Variants in DENND4A observed in about 807,000 individuals in gnomAD.
The protein encoded by DENND4A is C-myc promoter-binding protein.
Under a neutral mutation model 199.3 loss-of-function variants are expected in DENND4A, and 70 were observed. That is an observed-to-expected ratio of 0.35 (90% confidence interval 0.29 to 0.43). The LOEUF (loss-of-function observed/expected upper bound fraction) is 0.43, where lower values mean the gene tolerates loss of function less well. Among genes scored for constraint, DENND4A ranks in the 20% least tolerant of loss-of-function variants. The pLI is 1.00. For synonymous variants in DENND4A, 686 were observed against 766.9 expected (o/e 0.89, Z 1.74); for missense variants, 1,723 against 2,255.8 (o/e 0.76, Z 4.78).
chr15:65,733,459 T>C (rs2076021153), intron 7 of DENND4A, among the ~76,000 whole-genome samples: 1 of 152,164 alleles, frequency 6.6e-6, no homozygotes, highest in African/African-American at 2.4e-5. Context: ...CTGAATATGT[T>C]TGTATTATTT....
At chr15:65,743,477 C>T (rs2076310417) in intron 4 of DENND4A, among the ~76,000 whole-genome samples, 1 of 152,142 alleles carries the variant, frequency 6.6e-6, no homozygotes, top group Admixed American at 6.6e-5. Flanking sequence ...TAAGGGCTTC[C>T]CTGACCACTC....
At chr15:65,676,322 G>A in intron 24 of DENND4A, 123 bp downstream of exon 24, 1 of 848,546 alleles carries the variant, frequency 1.2e-6, no homozygotes, top group Non-Finnish European at 1.7e-6. Flanking sequence ...TTTGACTTTG[G>A]AACTATACAA....
At chr15:65,728,090 C>A (rs1272643069) in intron 11 of DENND4A, among the ~76,000 whole-genome samples, 1 of 151,918 alleles carries the variant, frequency 6.6e-6, no homozygotes, top group Non-Finnish European at 1.5e-5. Flanking sequence ...CTCACTGCAG[C>A]CTCCGCCTCC....
chr15:65,766,909 T>TC, intron 1 of DENND4A: 1 of 152,330 alleles, frequency 6.6e-6, no homozygotes, highest in East Asian at 1.9e-4. Context: ...ACCCTGTCCC[T>TC]CACCCAGAAA....
intron 12 of DENND4A, among the ~76,000 whole-genome samples, chr15:65,719,493 G>A (rs556801416): frequency 7.0e-4 from 106 of 152,166 alleles, no homozygotes; most frequent in African/African-American, 2.4e-3. Flanking sequence ...TGATCGAAGT[G>A]AATATCTTCA....
Position 65,667,949 on chromosome 15 carries a change from C to T in DENND4A, c.4962G>A (p.Leu1654=). ...CTGTAGCTCCTTGTAAAGTAGCTGG[C>T]AGGCTGCCTGTAGAAATGAGCTTCT... ...GRQKLISTGS[L]PATLQGATDS... The change falls in exon 28 of 33, where the codon CTG becomes CTA. Residue 1654 remains leucine, a synonymous_variant. Transcript: ENST00000443035. 1 of 1,608,768 alleles carries T rather than the reference C, an allele frequency of 6.2e-7. No homozygotes were observed. Among genetic ancestry groups the T allele is most frequent in the Non-Finnish European group, 8.5e-7 (1 of 1,178,816 alleles).
At chr15:65,711,447 C>G (rs959578093) in intron 14 of DENND4A, among the ~76,000 whole-genome samples, 1 of 152,064 alleles carries the variant, frequency 6.6e-6, no homozygotes, top group African/African-American at 2.4e-5. Context: ...AAGCTGAGAT[C>G]GTGCCACAGC....
intron 1 of DENND4A, among the ~76,000 whole-genome samples, chr15:65,781,537 G>T (rs1482474036): frequency 1.3e-5 from 2 of 152,106 alleles, no homozygotes; most frequent in Non-Finnish European, 2.9e-5. Context: ...GTAAATAAAT[G>T]GATGTAAGGA....
At chr15:65,769,583 C>A (rs960510501) in intron 1 of DENND4A, among the ~76,000 whole-genome samples, 5 of 152,090 alleles carry the variant, frequency 3.3e-5, no homozygotes, top group Non-Finnish European at 7.4e-5. Flanking sequence ...AAATTCAATT[C>A]AAATAATTTG....
intron 1 of DENND4A, among the ~76,000 whole-genome samples, chr15:65,786,500 C>A (rs1024659629): frequency 2.0e-5 from 3 of 151,508 alleles, no homozygotes; most frequent in African/African-American, 7.3e-5. Flanking sequence ...GAGGCCAAGG[C>A]GGTAGGATTG....
At chr15:65,663,380 T>C (rs1482208791) in intron 32 of DENND4A, among the ~76,000 whole-genome samples, 11 of 151,626 alleles carry the variant, frequency 7.3e-5, no homozygotes, top group Admixed American at 7.2e-4. Context: ...TGGCTAATTT[T>C]GTATTTTTAG....
chr15:65,740,737 G>C (rs936701479), intron 5 of DENND4A, among the ~76,000 whole-genome samples: 1 of 152,100 alleles, frequency 6.6e-6, no homozygotes, highest in African/African-American at 2.4e-5. Flanking sequence ...GAGGCAAGAG[G>C]AGCGCTTGAG....
At chr15:65,747,759 C>T (rs1021165396) in intron 4 of DENND4A, among the ~76,000 whole-genome samples, 1 of 151,834 alleles carries the variant, frequency 6.6e-6, no homozygotes, top group African/African-American at 2.4e-5. Flanking sequence ...AATCTGCTTC[C>T]TGGCCAGGCA....
intron 1 of DENND4A, among the ~76,000 whole-genome samples, chr15:65,780,740 A>C (rs1214804723): frequency 6.6e-6 from 1 of 152,258 alleles, no homozygotes; most frequent in East Asian, 1.9e-4. Flanking sequence ...TTGCACTAGC[A>C]AACTTAAGCT....
chr15:65,756,204 C>T lies in DENND4A; in HGVS notation c.247G>A (p.Val83Met), dbSNP rs1439040809. The T allele has an allele frequency of 1.9e-6, 3 of 1,611,636 alleles. No individual in the cohort carries two copies. Among genetic ancestry groups the T allele is most frequent in the Non-Finnish European group, 2.5e-6 (3 of 1,178,752 alleles). ...LSADLNNGSLVGPQIYLCYRR... is the reference protein window; with the variant it reads ...LSADLNNGSLMGPQIYLCYRR... ...TAGCAAAGGTAAATCTGTGGCCCCA[C>T]AAGACTTCCATTATTAAGATCAGCT... is the stretch of plus-strand genomic sequence containing the variant. The change falls in exon 3 of 33, where the codon GTG becomes ATG. Residue 83 changes from valine to methionine, a missense_variant. This residue lies in a region of DENND4A where 725 missense variants were observed against 952.9 expected (regional missense o/e 0.76). Coordinates refer to ENST00000443035, the MANE Select transcript of DENND4A (RefSeq NM_001320835.1).
At position 65,691,039 on chromosome 15, in the gene DENND4A, T is replaced by C; in HGVS notation, c.3555A>G (p.Gln1185=). ...DVSKAGCVAT[Q]NPKRIQRMNS... ...TCATACGTTGAATCCTCTTGGGATT[T>C]TGTGTAGCAACACATCCTGCTTTTG... Residue 1185 remains glutamine, a synonymous_variant, in exon 23 of 33, where the codon CAA becomes CAG. Transcript: ENST00000443035. The C allele has an allele frequency of 1.9e-6, 3 of 1,612,604 alleles. No homozygotes were observed. The highest frequency in any genetic ancestry group is 2.2e-5 in the South Asian group (2 of 90,908).
intron 1 of DENND4A, among the ~76,000 whole-genome samples, chr15:65,791,285 C>G (rs1017349928): frequency 6.6e-6 from 1 of 152,228 alleles, no homozygotes; most frequent in Non-Finnish European, 1.5e-5. Context: ...ATTGGAACAA[C>G]AACAACAATC....
intron 1 of DENND4A, among the ~76,000 whole-genome samples, chr15:65,780,166 C>T (rs1399385821): frequency 5.9e-5 from 9 of 152,140 alleles, no homozygotes; most frequent in South Asian, 2.1e-4. Context: ...CCTCCCAAAG[C>T]GTTGGGATTA....
At chr15:65,682,494 A>T (rs1439391952) in intron 23 of DENND4A, among the ~76,000 whole-genome samples, 1 of 152,158 alleles carries the variant, frequency 6.6e-6, no homozygotes, top group East Asian at 1.9e-4. Context: ...CTTGCTCTGG[A>T]TTAGGCTTTA....
Sources: gnomAD v4.1 joint callset for allele counts (sites outside exome capture counted in the v4.1 genomes callset) on GRCh38, gnomAD v4.1.1 for gene constraint, gnomAD v4.1.1 regional missense constraint, MANE v1.5 for transcripts, NCBI Gene and HGNC (gene_info 2026-07-23, HGNC 2026-07-21) for gene names.